MYO3A: variants seen among roughly 807,000 people sequenced by gnomAD.
The protein encoded by MYO3A is myosin IIIA, also known as myosin-IIIa.
A neutral mutation model predicts 192.7 loss-of-function variants in MYO3A; 180 were observed. The observed-to-expected ratio is 0.93, with a 90% CI of 0.83 to 1.06. MYO3A has a LOEUF of 1.06. Among genes scored for constraint, MYO3A ranks in the 50% least tolerant of loss-of-function variants. The pLI is 0.00. For synonymous variants in MYO3A, 628 were observed against 645.3 expected, an observed-to-expected ratio of 0.97 and a Z score of 0.41; for missense variants, 1,896 against 1,905.0, an observed-to-expected ratio of 1.00 and a Z score of 0.09.
intron 10 of MYO3A, among the ~76,000 whole-genome samples, chr10:26,037,523 A>C (rs1330094516): frequency 6.6e-6 from 1 of 152,182 alleles, no homozygotes; most frequent in Non-Finnish European, 1.5e-5. Context: ...ATATGGTGAG[A>C]GATAGGGATC....
intron 2 of MYO3A, among the ~76,000 whole-genome samples, chr10:25,944,478 A>G (rs968556342): frequency 2.0e-5 from 3 of 151,974 alleles, no homozygotes; most frequent in Non-Finnish European, 2.9e-5. Flanking sequence ...ATTGTCGTTA[A>G]TTATTCTTTA....
intron 10 of MYO3A, among the ~76,000 whole-genome samples, chr10:26,054,555 A>T (rs1844201575): frequency 6.6e-6 from 1 of 152,314 alleles, no homozygotes; most frequent in South Asian, 2.1e-4. Context: ...GGGATCTGTG[A>T]ATATTACTTT....
At position 26,081,077 on chromosome 10, in the gene MYO3A, T is replaced by C. The variant is rs574524805; in HGVS notation, c.1360-7126T>C. Reference sequence around the variant, plus strand: ...TTCCAGAAAGTATCAGCTGTGGTAGTATGGGGTGGAACCGGCGGTGGGTGG... The same window carrying C: ...TTCCAGAAAGTATCAGCTGTGGTAGCATGGGGTGGAACCGGCGGTGGGTGG... On this transcript the variant is annotated intron_variant, in intron 14 of 34. Transcript: ENST00000642920. Among the ~76,000 whole-genome samples the C allele has an allele frequency of 7.0e-5, 10 of 143,142 alleles. 1 individual carries two copies. In the East Asian group the frequency reaches 2.1e-3, roughly 30 times the overall value. 93.9% of individuals were successfully genotyped at this position (143,142 alleles called of 152,430 possible).
chr10:26,137,964 C>A (rs1021514807), intron 20 of MYO3A, among the ~76,000 whole-genome samples: 1 of 152,180 alleles, frequency 6.6e-6, no homozygotes, highest in Non-Finnish European at 1.5e-5. Flanking sequence ...TGAACATAGA[C>A]CCTTATCAGT....
At position 25,944,359 on chromosome 10, in the gene MYO3A, T is replaced by C. The variant is rs1238528561; in HGVS notation, c.-17-7735T>C. Among the ~76,000 whole-genome samples, 4 of 152,086 alleles carry C rather than the reference T, an allele frequency of 2.6e-5. No homozygotes were observed. The East Asian group carries it at 7.7e-4, about 29-fold the overall frequency. On this transcript the variant is annotated intron_variant, in intron 2 of 34. Transcript: ENST00000642920. ...ACAGAGATATTCATCTCCAGTTTTA[T>C]TCTCTTGTAGTGCCATTGTCTGGTT...
intron 8 of MYO3A, 69 bp downstream of exon 8, chr10:26,021,717 C>G (rs1424812286): frequency 1.9e-6 from 3 of 1,574,142 alleles, no homozygotes; most frequent in Non-Finnish European, 2.6e-6. Flanking sequence ...AAGTGTTCAT[C>G]ATGCTCTTCA....
intron 10 of MYO3A, among the ~76,000 whole-genome samples, chr10:26,044,917 G>A (rs541070053): frequency 1.3e-5 from 2 of 152,312 alleles, no homozygotes; most frequent in East Asian, 3.9e-4. Flanking sequence ...TTGACTCCTG[G>A]GTGAATGGAG....
intron 4 of MYO3A, among the ~76,000 whole-genome samples, chr10:25,980,531 G>A (rs1339403173): frequency 3.3e-5 from 5 of 152,206 alleles, no homozygotes; most frequent in African/African-American, 7.2e-5. Context: ...ATATATAAAT[G>A]TGTCAATACC....
intron 27 of MYO3A, 37 bp from the exon 28 acceptor site, chr10:26,168,675 G>A: frequency 1.9e-6 from 3 of 1,589,464 alleles, no homozygotes; most frequent in Non-Finnish European, 2.6e-6. Flanking sequence ...TCACATCTGT[G>A]TGCCATGGTT....
At chr10:26,157,247 G>A (rs1589050654) in intron 25 of MYO3A, 63 bp from the exon 26 acceptor site, 1 of 1,418,752 alleles carries the variant, frequency 7.0e-7, no homozygotes, top group East Asian at 2.3e-5. Context: ...AAAAAGAAAG[G>A]CCTACAAGCT....
intron 26 of MYO3A, among the ~76,000 whole-genome samples, chr10:26,163,778 A>G: frequency 6.6e-6 from 1 of 152,230 alleles, no homozygotes; most frequent in East Asian, 1.9e-4. Flanking sequence ...AAATTTAGGA[A>G]TCACCACATA....
At chr10:26,154,846 A>G (rs1841018126) in intron 25 of MYO3A, 23 bp downstream of exon 25, 2 of 1,589,744 alleles carry the variant, frequency 1.3e-6, no homozygotes, top group Non-Finnish European at 8.6e-7. Flanking sequence ...ACTATGATGT[A>G]TTGTGCTTAG....
chr10:26,053,945 A>G (rs1011596429), intron 10 of MYO3A, among the ~76,000 whole-genome samples: 1 of 152,196 alleles, frequency 6.6e-6, no homozygotes, highest in Admixed American at 6.5e-5. Context: ...CGCAATCAAG[A>G]GAAGTACTTT....
intron 10 of MYO3A, among the ~76,000 whole-genome samples, chr10:26,059,695 T>C (rs879632422): frequency 1.3e-5 from 2 of 152,266 alleles, no homozygotes; most frequent in African/African-American, 4.8e-5. Context: ...TTTGTGTTTT[T>C]TAAAAATATT....
At chr10:26,157,278 A>C in intron 25 of MYO3A, 32 bp from the exon 26 acceptor site, 1 of 1,600,680 alleles carries the variant, frequency 6.2e-7, no homozygotes, top group South Asian at 1.1e-5. Context: ...TGTATGCTAC[A>C]TTGGGAAATT....
At position 25,954,878 on chromosome 10, in the gene MYO3A, T is replaced by C. The variant is rs1417617491; in HGVS notation, c.173T>C (p.Ile58Thr). 1.2e-5 allele frequency: 20 copies of C among 1,611,994 alleles called. No individual in the cohort carries two copies. Among genetic ancestry groups the C allele is most frequent in the Non-Finnish European group, 1.6e-5 (19 of 1,178,626 alleles). Residue 58 changes from isoleucine to threonine, a missense_variant, in exon 4 of 35, where the codon ATT (isoleucine) becomes ACT (threonine). By Grantham distance (89) the Ile-to-Thr change is moderately conservative (BLOSUM62 -1). Coordinates refer to ENST00000642920, the MANE Select transcript of MYO3A (RefSeq NM_017433.5). ...CTTATGACTTTTTGAAACTAGGATATTGACGAAGAGATTGAAGCAGAATAT... is the reference window on the plus strand; with the variant it reads ...CTTATGACTTTTTGAAACTAGGATACTGACGAAGAGATTGAAGCAGAATAT... Reference protein sequence around the residue: ...AVKILDPIHDIDEEIEAEYNI... With the variant: ...AVKILDPIHDTDEEIEAEYNI...
At chr10:26,126,381 C>T (rs1359138728) in intron 19 of MYO3A, among the ~76,000 whole-genome samples, 1 of 152,192 alleles carries the variant, frequency 6.6e-6, no homozygotes, top group East Asian at 1.9e-4. Context: ...ACCATTTATA[C>T]ACATTTCAAG....
At chr10:25,952,329 CACTTAAA>C (rs1837259162) in intron 3 of MYO3A, 51 bp downstream of exon 3, 1 of 1,534,714 alleles carries the variant, frequency 6.5e-7, no homozygotes, top group South Asian at 1.1e-5. Flanking sequence ...CTGTATGAAA[CACTTAAA>C]AAGACTGTAT....
At chr10:26,021,779 AT>A (rs1433681356) in intron 8 of MYO3A, 131 bp downstream of exon 8, 1 of 1,228,242 alleles carries the variant, frequency 8.1e-7, no homozygotes, top group Non-Finnish European at 1.2e-6. Flanking sequence ...ATCCTGGAAT[AT>A]TATTCTGCTT....
Sources: gnomAD v4.1 joint callset for allele counts (sites outside exome capture counted in the v4.1 genomes callset) on GRCh38, gnomAD v4.1.1 for gene constraint, MANE v1.5 for transcripts, NCBI Gene and HGNC (gene_info 2026-07-23, HGNC 2026-07-21) for gene names.